PCDHA3: variants seen among roughly 807,000 people sequenced by gnomAD.
PCDHA3 encodes protocadherin alpha-3.
In PCDHA3, 41 loss-of-function variants were observed where a neutral mutation model predicts 62.2. The ratio of observed to expected loss-of-function variants is 0.66; its 90% CI spans 0.51 to 0.86. PCDHA3 has a LOEUF of 0.86. Ranked by LOEUF, PCDHA3 falls within the 40% of genes least tolerant of loss-of-function variation. PCDHA3 has a pLI of 0.00. For synonymous variants in PCDHA3, 640 were observed against 555.4 expected, an observed-to-expected ratio of 1.15 and a Z score of -2.14; for missense variants, 1,304 against 1,241.2, an observed-to-expected ratio of 1.05 and a Z score of -0.76.
At position 141,010,334 on chromosome 5, in the gene PCDHA3, T is replaced by C; in HGVS notation, c.*397T>C. On this transcript the variant is annotated 3_prime_UTR_variant, in exon 4 of 4. Transcript: ENST00000522353. The stretch of plus-strand genomic sequence containing the variant: ...TGAGATTGAGCAGCTTGGGAGTTTG[T>C]GGCCACTGGGTATGTGTGGCTACCG... The C allele has an allele frequency of 2.0e-6, 3 of 1,537,004 alleles. No homozygotes were observed. The East Asian group carries it at 7.4e-5, about 38-fold the overall frequency.
intron 1 of PCDHA3, chr5:140,861,317 C>T (rs1369177112): frequency 4.6e-6 from 1 of 217,818 alleles, no homozygotes; most frequent in Admixed American, 5.2e-5. Context: ...GGACCAGTTC[C>T]ACTACACCAT....
At chr5:140,828,652 T>C (rs1357911961) in intron 1 of PCDHA3, 8 of 1,614,198 alleles carry the variant, frequency 5.0e-6, no homozygotes, top group South Asian at 1.1e-5. Flanking sequence ...TAAACAGTGA[T>C]GACAATAAAC....
chr5:140,831,953 T>G (rs1771773742), intron 1 of PCDHA3, among the ~76,000 whole-genome samples: 3 of 152,194 alleles, frequency 2.0e-5, no homozygotes, highest in Admixed American at 2.0e-4. Context: ...AAAGAAAAAC[T>G]TTATGTCATT....
At chr5:140,918,982 G>C (rs1554198889) in intron 1 of PCDHA3, among the ~76,000 whole-genome samples, 1 of 152,188 alleles carries the variant, frequency 6.6e-6, no homozygotes, top group Non-Finnish European at 1.5e-5. Flanking sequence ...AGGTTAGTTG[G>C]TTTTTAGTGT....
rs1379948594 is a variant in PCDHA3, at chr5:140,982,575, G to A, written c.2542+12G>A. ...CAGTGCAACACCAGGTAAAGAGCTGGGGTCTCTCCATTCTTTCTTGGTTTC... is the reference window on the plus strand; with the variant it reads ...CAGTGCAACACCAGGTAAAGAGCTGAGGTCTCTCCATTCTTTCTTGGTTTC... On this transcript the variant is annotated intron_variant, in intron 3 of 3. Coordinates refer to ENST00000522353, the MANE Select transcript of PCDHA3 (RefSeq NM_018906.3). The A allele has an allele frequency of 6.2e-7, 1 of 1,613,444 alleles. No homozygotes were observed. The highest frequency in any genetic ancestry group is 8.5e-7 in the Non-Finnish European group (1 of 1,179,518).
intron 1 of PCDHA3, among the ~76,000 whole-genome samples, chr5:140,875,128 C>A (rs1554167491): frequency 6.6e-6 from 1 of 152,068 alleles, no homozygotes; most frequent in East Asian, 1.9e-4. Context: ...ATTAACTAAA[C>A]CCGCATTTAT....
intron 1 of PCDHA3, chr5:140,926,832 G>C: frequency 6.6e-7 from 1 of 1,505,338 alleles, no homozygotes; most frequent in Non-Finnish European, 8.9e-7. Context: ...GGAGTCCGGA[G>C]CATGGTCCTG....
chr5:140,809,596 T>G, intron 1 of PCDHA3: 2 of 1,533,028 alleles, frequency 1.3e-6, no homozygotes, highest in Non-Finnish European at 8.8e-7. Context: ...ATCCTTTTGT[T>G]TAATTTTCGT....
chr5:140,853,533 T>C (rs2042784288), intron 1 of PCDHA3: 2 of 979,954 alleles, frequency 2.0e-6, no homozygotes, highest in African/African-American at 3.5e-5. Context: ...TATGTCTCTT[T>C]TCAAGTTGTA....
intron 1 of PCDHA3, chr5:140,822,197 T>A (rs1767226544): frequency 6.2e-7 from 1 of 1,614,220 alleles, no homozygotes; most frequent in Middle Eastern, 1.6e-4. Context: ...AGATTATTCA[T>A]TTTAGAGTCA....
rs146340581 is a variant in PCDHA3, at chr5:140,957,263, C to T, written c.2395-21686C>T. On this transcript the variant is annotated intron_variant, in intron 1 of 3. Transcript: ENST00000522353. ...TCTACCTAAAATTTAAATATGTAAG[C>T]ACTAGTCCCCCCTTACCTGCAGTTT... Among the ~76,000 whole-genome samples, 73 of 152,260 alleles carry T rather than the reference C, an allele frequency of 4.8e-4. No homozygotes were observed. In the East Asian group the frequency reaches 0.01, roughly 22 times the overall value.
At chr5:140,973,472 T>C (rs572763440) in intron 1 of PCDHA3, among the ~76,000 whole-genome samples, 3 of 152,220 alleles carry the variant, frequency 2.0e-5, no homozygotes, top group Non-Finnish European at 4.4e-5. Flanking sequence ...AGTTTGCAAA[T>C]TTCATATTGG....
At chr5:140,855,901 A>G (rs1280645152) in intron 1 of PCDHA3, 6 of 1,088,536 alleles carry the variant, frequency 5.5e-6, no homozygotes, top group African/African-American at 4.7e-5. Flanking sequence ...GGCATCAGCC[A>G]GTTTCTCAAG....
At chr5:140,837,875 A>C (rs2150280386) in intron 1 of PCDHA3, among the ~76,000 whole-genome samples, 2,117 of 151,504 alleles carry the variant, frequency 0.014, 49 homozygotes, top group African/African-American at 0.049. Flanking sequence ...GACAGGGTGG[A>C]GTCTTGTTTC....
chr5:140,927,015 G>A, intron 1 of PCDHA3: 1 of 1,612,466 alleles, frequency 6.2e-7, no homozygotes. Context: ...ATCTCTCCGC[G>A]GACTTGAGGC....
In PCDHA3 at chr5:140,843,809, A is replaced by G; in HGVS notation, c.2394+40218A>G. 2.3e-6 allele frequency: 3 copies of G among 1,286,100 alleles called. 1 individual carries two copies. Among genetic ancestry groups the G allele is most frequent in the Non-Finnish European group, 3.2e-6 (3 of 925,236 alleles). 79.7% of individuals were successfully genotyped at this position (1,286,100 alleles called of 1,614,324 possible). A position where few individuals can be genotyped will look rare whatever the true frequency, so the allele number is the denominator to read the frequency against. On this transcript the variant is annotated intron_variant, in intron 1 of 3. Coordinates refer to ENST00000522353, the MANE Select transcript of PCDHA3 (RefSeq NM_018906.3). ...CAGATTTAGTTTTTCACCGTATTTTATAGTGAAAATTTAAACATTGTTTAG... is the reference window on the plus strand; with the variant it reads ...CAGATTTAGTTTTTCACCGTATTTTGTAGTGAAAATTTAAACATTGTTTAG...
intron 1 of PCDHA3, chr5:140,858,649 AT>A: frequency 1.2e-6 from 1 of 824,582 alleles, no homozygotes; most frequent in East Asian, 2.7e-5. Flanking sequence ...TGGTACTTAA[AT>A]TTTTTTAAAT....
At chr5:140,907,197 A>G (rs2073229380) in intron 1 of PCDHA3, among the ~76,000 whole-genome samples, 1 of 152,166 alleles carries the variant, frequency 6.6e-6, no homozygotes, top group Non-Finnish European at 1.5e-5. Context: ...AACCTTCTGG[A>G]GAATTTTGCC....
At chr5:140,926,964 C>T (rs149218057) in intron 1 of PCDHA3, 1 of 1,606,346 alleles carries the variant, frequency 6.2e-7, no homozygotes, top group Non-Finnish European at 8.5e-7. Flanking sequence ...AGCTCGAGTA[C>T]TCAGTGCCGG....
Sources: gnomAD v4.1 joint callset for allele counts (sites outside exome capture counted in the v4.1 genomes callset) on GRCh38, gnomAD v4.1.1 for gene constraint, MANE v1.5 for transcripts, NCBI Gene and HGNC (gene_info 2026-07-23, HGNC 2026-07-21) for gene names.